Variants in ADAMTS18 observed in about 807,000 individuals in gnomAD.
The protein encoded by ADAMTS18 is ADAM metallopeptidase with thrombospondin type 1 motif 18, also known as A disintegrin and metalloproteinase with thrombospondin motifs 18.
A neutral mutation model predicts 165.9 loss-of-function variants in ADAMTS18; 157 were observed. The observed-to-expected ratio is 0.95, with a 90% CI of 0.83 to 1.08. The LOEUF (loss-of-function observed/expected upper bound fraction) is 1.08, where lower values mean the gene tolerates loss of function less well. Among genes scored for constraint, ADAMTS18 ranks in the 50% least tolerant of loss-of-function variants. ADAMTS18 has a pLI of 0.00. For missense variants in ADAMTS18, 2,040 were observed against 1,534.0 expected (o/e 1.33, Z -5.51); for synonymous variants, 782 against 578.2 (o/e 1.35, Z -5.06).
chr16:77,427,151 G>A (rs1384881965), intron 3 of ADAMTS18, among the ~76,000 whole-genome samples: 1 of 152,158 alleles, frequency 6.6e-6, no homozygotes, highest in Non-Finnish European at 1.5e-5. Context: ...ACCTTCCTGT[G>A]TCCAGCCTCC....
intron 3 of ADAMTS18, among the ~76,000 whole-genome samples, chr16:77,368,595 C>A (rs1488542592): frequency 6.6e-6 from 1 of 151,950 alleles, no homozygotes; most frequent in East Asian, 1.9e-4. Context: ...CACCACTATG[C>A]TCAGAAATGC....
At chr16:77,389,211 A>G (rs184110737) in intron 3 of ADAMTS18, among the ~76,000 whole-genome samples, 1 of 152,204 alleles carries the variant, frequency 6.6e-6, no homozygotes, top group South Asian at 2.1e-4. Context: ...AGGCTGAAGC[A>G]GGAGTATCAC....
intron 13 of ADAMTS18, among the ~76,000 whole-genome samples, chr16:77,325,225 A>T (rs1231903638): frequency 6.6e-6 from 1 of 152,232 alleles, no homozygotes; most frequent in African/African-American, 2.4e-5. Context: ...GTAATGAAAC[A>T]ACTAGGATGA....
At chr16:77,371,723 T>C (rs553848510) in intron 3 of ADAMTS18, among the ~76,000 whole-genome samples, 2 of 152,266 alleles carry the variant, frequency 1.3e-5, no homozygotes, top group South Asian at 2.1e-4. Flanking sequence ...AAGGATTTTT[T>C]GGAGAAAAAC....
intron 3 of ADAMTS18, among the ~76,000 whole-genome samples, chr16:77,374,264 A>G (rs985555453): frequency 1.3e-5 from 2 of 151,930 alleles, no homozygotes; most frequent in Non-Finnish European, 2.9e-5. Flanking sequence ...GACTTTTTTC[A>G]GAGTGGAGGT....
chr16:77,383,546 T>TTTGTTG (rs60293145), intron 3 of ADAMTS18, among the ~76,000 whole-genome samples: 7 of 151,408 alleles, frequency 4.6e-5, no homozygotes, highest in Non-Finnish European at 7.4e-5. Context: ...CGACCTCTTT[T>TTTGTTG]TTGTTGTTGT....
chr16:77,291,630 T>TACAGCAGC (rs765284302), intron 20 of ADAMTS18, 152 bp from the exon 21 acceptor site: 157 of 850,038 alleles, frequency 1.8e-4, no homozygotes, highest in Admixed American at 2.7e-4. Context: ...ATCTTACAGA[T>TACAGCAGC]ACAGCAGCCA....
At chr16:77,333,250 C>T (rs114796892) in intron 12 of ADAMTS18, among the ~76,000 whole-genome samples, 1,783 of 151,982 alleles carry the variant, frequency 0.012, 18 homozygotes, top group Middle Eastern at 0.044. Flanking sequence ...TGTTACTAAC[C>T]GGAGGGAAGA....
intron 7 of ADAMTS18, among the ~76,000 whole-genome samples, chr16:77,360,388 T>C (rs974589276): frequency 6.6e-6 from 1 of 152,230 alleles, no homozygotes; most frequent in Non-Finnish European, 1.5e-5. Flanking sequence ...TCATAAATTC[T>C]ACACTCAGGA....
chr16:77,321,829 C>A (rs2056004046), intron 14 of ADAMTS18, among the ~76,000 whole-genome samples: 1 of 152,214 alleles, frequency 6.6e-6, no homozygotes, highest in African/African-American at 2.4e-5. Context: ...AATAATTGGA[C>A]AAGGCTCATG....
At chr16:77,400,648 A>AT (rs2057319159) in intron 3 of ADAMTS18, among the ~76,000 whole-genome samples, 1 of 151,492 alleles carries the variant, frequency 6.6e-6, no homozygotes, top group South Asian at 2.1e-4. Context: ...CACCCGGCTA[A>AT]TTTTTTGTAT....
chr16:77,321,709 T>G (rs1396430818), intron 14 of ADAMTS18, among the ~76,000 whole-genome samples: 2 of 152,184 alleles, frequency 1.3e-5, no homozygotes, highest in Non-Finnish European at 2.9e-5. Context: ...ACACATGCAA[T>G]AAAAGTTTAT....
chr16:77,334,520 T>C (rs935156863), intron 12 of ADAMTS18, among the ~76,000 whole-genome samples: 89 of 112,632 alleles, frequency 7.9e-4, no homozygotes, highest in African/African-American at 3.2e-3. Flanking sequence ...ATAGTATATA[T>C]TATATAGTAT....
At chr16:77,406,930 G>T (rs149583047) in intron 3 of ADAMTS18, among the ~76,000 whole-genome samples, 1 of 152,016 alleles carries the variant, frequency 6.6e-6, no homozygotes, top group Non-Finnish European at 1.5e-5. Context: ...AGACACTGGG[G>T]ATTACTAGAA....
intron 12 of ADAMTS18, among the ~76,000 whole-genome samples, chr16:77,334,933 C>A: frequency 7.4e-6 from 1 of 135,754 alleles, no homozygotes. Context: ...AGTATATATA[C>A]TGTATTTTAT....
At chr16:77,385,128 C>G (rs1024867366) in intron 3 of ADAMTS18, among the ~76,000 whole-genome samples, 2 of 151,934 alleles carry the variant, frequency 1.3e-5, no homozygotes, top group Non-Finnish European at 2.9e-5. Flanking sequence ...AGGCTGGTCT[C>G]GAACTCCTGA....
At chr16:77,407,273 A>G (rs1043559971) in intron 3 of ADAMTS18, among the ~76,000 whole-genome samples, 12 of 152,252 alleles carry the variant, frequency 7.9e-5, no homozygotes, top group African/African-American at 2.6e-4. Flanking sequence ...GGCACGAATA[A>G]CAATCTAAGA....
chr16:77,311,939 A>G (rs147812348), intron 16 of ADAMTS18, among the ~76,000 whole-genome samples: 39 of 152,346 alleles, frequency 2.6e-4, no homozygotes, highest in African/African-American at 8.9e-4. Flanking sequence ...CTGTGGTGAA[A>G]CGACAATTTT....
chr16:77,378,228 G>C (rs1350829999), intron 3 of ADAMTS18, among the ~76,000 whole-genome samples: 2 of 152,024 alleles, frequency 1.3e-5, no homozygotes, highest in Non-Finnish European at 2.9e-5. Flanking sequence ...AGGAGATTGA[G>C]GTAGGAGAAT....
Sources: gnomAD v4.1 joint callset for allele counts (sites outside exome capture counted in the v4.1 genomes callset) on GRCh38, gnomAD v4.1.1 for gene constraint, MANE v1.5 for transcripts, NCBI Gene and HGNC (gene_info 2026-07-23, HGNC 2026-07-21) for gene names.